The following SGSH variants were observed in gnomAD, a reference collection of about 807,000 sequenced individuals.
SGSH encodes the protein heparan sulfate sulfatase.
SGSH carries 48 observed loss-of-function variants against 51.0 expected under a neutral mutation model. The ratio of observed to expected loss-of-function variants is 0.94; its 90% CI spans 0.75 to 1.20. The LOEUF is 1.20. Among genes scored for constraint, SGSH ranks in the 50% most tolerant of loss-of-function variants. The pLI is 0.00. For missense variants in SGSH, 662 were observed against 717.8 expected (o/e 0.92, Z 0.89); for synonymous variants, 321 against 313.4 (o/e 1.02, Z -0.26).
chr17:80,205,001 G>C, downstream of SGSH: 1 of 1,514,794 alleles, frequency 6.6e-7, no homozygotes, highest in Non-Finnish European at 8.9e-7. Flanking sequence ...GGCTGCCGCA[G>C]CCTCACCCAC....
chr17:80,203,905 C>T, downstream of SGSH: 1 of 1,580,156 alleles, frequency 6.3e-7, no homozygotes, highest in Non-Finnish European at 8.6e-7. This position sits in a 1 kb window ranked among gnomAD's most constrained non-coding sequence, Gnocchi z 4.6. Flanking sequence ...CAGGGAGGGG[C>T]CTGGACCCCA....
chr17:80,214,338 A>C lies in SGSH; in HGVS notation c.507-10T>G, dbSNP rs780750001. On this transcript the variant is annotated splice_polypyrimidine_tract_variant and intron_variant, in intron 4 of 7. Transcript: ENST00000326317. The stretch of plus-strand genomic sequence containing the variant: ...GTAGAGGAAGAAAGGCCTGCACGGG[A>C]GGAGGCTCATTGCCAAGGCTGCGGG... 4 of 1,610,870 alleles carry C rather than the reference A, an allele frequency of 2.5e-6. No individual in the cohort carries two copies. The highest frequency in any genetic ancestry group is 1.1e-5 in the South Asian group (1 of 91,020).
chr17:80,201,500 A>G, the SGSH span: 1 of 533,572 alleles, frequency 1.9e-6, no homozygotes, highest in Non-Finnish European at 3.3e-6. This position sits in a 1 kb window ranked among gnomAD's most constrained non-coding sequence, Gnocchi z 5.0. Flanking sequence ...AGAACCCCCG[A>G]TCTCGACTGG....
downstream of SGSH, chr17:80,208,333 GA>G (rs2041469033): frequency 1.3e-6 from 2 of 1,598,626 alleles, no homozygotes; most frequent in East Asian, 4.5e-5. Context: ...GGACGGAGCA[GA>G]GCCCCCGATG....
chr17:80,220,064 G>A, intron 1 of SGSH, 162 bp downstream of exon 1: 1 of 541,534 alleles, frequency 1.8e-6, no homozygotes, highest in Non-Finnish European at 3.2e-6. Flanking sequence ...CACCCGTGAA[G>A]AGTCTGGGGG....
downstream of SGSH, chr17:80,204,795 G>A: frequency 2.0e-6 from 1 of 493,352 alleles, no homozygotes. Context: ...GGATTAAGTT[G>A]CAGGCTGCAA....
chr17:80,205,213 G>A (rs373649706), downstream of SGSH: 3 of 1,607,350 alleles, frequency 1.9e-6, no homozygotes, highest in Non-Finnish European at 2.6e-6. Flanking sequence ...CAGGTATGCT[G>A]TTGCCTGGGA....
At chr17:80,202,134 G>A (rs369971096), downstream of SGSH, 11 of 1,529,884 alleles carry the variant, frequency 7.2e-6, no homozygotes, top group Admixed American at 3.5e-5. Context: ...TCCTCGCAGA[G>A]GCTCGTATCT....
At chr17:80,201,631 G>T in the SGSH span, 1 of 1,103,910 alleles carries the variant, frequency 9.1e-7, no homozygotes, top group Non-Finnish European at 1.4e-6. The surrounding 1 kb of genome is among the most constrained non-coding windows in gnomAD (Gnocchi z 5.0). Flanking sequence ...GCAGGCAGTG[G>T]TCCTACGGCA....
chr17:80,214,106 G>A (rs938422354), intron 5 of SGSH, 66 bp downstream of exon 5: 35 of 1,547,322 alleles, frequency 2.3e-5, no homozygotes, highest in South Asian at 5.9e-5. Flanking sequence ...CTGCAAGCTC[G>A]TAGGAGGCCA....
chr17:80,208,092 C>T (rs998844891), downstream of SGSH: 35 of 1,410,262 alleles, frequency 2.5e-5, no homozygotes, highest in Admixed American at 1.9e-4. Context: ...GCTCCTGGGC[C>T]CTTGCTCTCC....
At chr17:80,207,228 A>C, downstream of SGSH, 1 of 600,440 alleles carries the variant, frequency 1.7e-6, no homozygotes, top group Non-Finnish European at 2.9e-6. Flanking sequence ...CAACTTTGGG[A>C]CAAGGGCCCC....
chr17:80,208,286 C>T (rs112478200), downstream of SGSH: 102 of 1,601,238 alleles, frequency 6.4e-5, no homozygotes, highest in African/African-American at 1.0e-3. Flanking sequence ...CAGCTGTGTC[C>T]GCCAGGCCAT....
chr17:80,206,458 T>A (rs1206409068), downstream of SGSH, among the ~76,000 whole-genome samples: 2 of 151,056 alleles, frequency 1.3e-5, no homozygotes, highest in Non-Finnish European at 3.0e-5. Flanking sequence ...CTACAAAACA[T>A]TTAAAAGCTA....
Position 80,214,339 on chromosome 17 carries a change from G to A in SGSH, c.507-11C>T. The A allele has an allele frequency of 1.9e-6, 3 of 1,610,830 alleles. No homozygotes were observed. Among genetic ancestry groups the A allele is most frequent in the Non-Finnish European group, 1.7e-6 (2 of 1,178,616 alleles). On this transcript the variant is annotated splice_polypyrimidine_tract_variant and intron_variant, in intron 4 of 7. Transcript: ENST00000326317. ...TAGAGGAAGAAAGGCCTGCACGGGA[G>A]GAGGCTCATTGCCAAGGCTGCGGGG... is the stretch of plus-strand genomic sequence containing the variant.
Position 80,215,158 on chromosome 17 carries a change from A to G in SGSH, c.250-20T>C. 1.9e-6 allele frequency: 3 copies of G among 1,595,124 alleles called. No homozygotes were observed. The highest frequency in any genetic ancestry group is 2.6e-6 in the Non-Finnish European group (3 of 1,169,056). ...CTGATGCTGCCAGCAAAGGCGCATG[A>G]GGTCCGGGGCCCCCGGACAGCCAGA... On this transcript the variant is annotated intron_variant, in intron 2 of 7. Coordinates refer to ENST00000326317, the MANE Select transcript of SGSH (RefSeq NM_000199.5).
At chr17:80,204,488 G>A, downstream of SGSH, 1 of 725,106 alleles carries the variant, frequency 1.4e-6, no homozygotes, top group African/African-American at 1.8e-5. Flanking sequence ...GCTGGGTGTG[G>A]TGGCGCACAC....
downstream of SGSH, chr17:80,203,382 A>G (rs1172517582): frequency 1.2e-5 from 2 of 168,516 alleles, no homozygotes; most frequent in African/African-American, 4.8e-5. The surrounding 1 kb of genome is among the most constrained non-coding windows in gnomAD (Gnocchi z 4.6). Flanking sequence ...TGAGCTCAGC[A>G]CCCCCATCAC....
At position 80,217,211 on chromosome 17, in the gene SGSH, A is replaced by G. The variant is rs758816625; in HGVS notation, c.89-19T>C. On this transcript the variant is annotated intron_variant, in intron 1 of 7. Coordinates refer to ENST00000326317, the MANE Select transcript of SGSH (RefSeq NM_000199.5). Reference sequence around the variant, plus strand: ...TCATCCGCTGCGTGAGGTGGGAGACAGAGAGTGCACGGTCGGCTGCGGTCA... The same window carrying G: ...TCATCCGCTGCGTGAGGTGGGAGACGGAGAGTGCACGGTCGGCTGCGGTCA... 11 of 1,593,316 alleles carry G rather than the reference A, an allele frequency of 6.9e-6. No individual in the cohort carries two copies. The highest frequency in any genetic ancestry group is 1.7e-4 in the Middle Eastern group (1 of 6,042).
Sources: allele counts gnomAD v4.1 joint callset (sites outside exome capture counted in the v4.1 genomes callset), GRCh38; gene constraint gnomAD v4.1.1; non-coding constraint Gnocchi (gnomAD v3.1); transcripts MANE v1.5; gene names NCBI Gene and HGNC (gene_info 2026-07-23, HGNC 2026-07-21).